Variants in HLCS observed in about 807,000 individuals in gnomAD.
HLCS encodes holocarboxylase synthetase.
In HLCS, 53 loss-of-function variants were observed where a neutral mutation model predicts 75.0. That is an observed-to-expected ratio of 0.71 (90% confidence interval 0.57 to 0.89). The LOEUF is 0.89. Among genes scored for constraint, HLCS ranks in the 40% least tolerant of loss-of-function variants. HLCS has a pLI of 0.00. For missense variants in HLCS, 966 were observed against 1,074.0 expected (o/e 0.90, Z 1.41); for synonymous variants, 431 against 428.6 (o/e 1.01, Z -0.07).
chr21:36,769,781 C>G (rs2090168197), intron 6 of HLCS, among the ~76,000 whole-genome samples: 1 of 152,240 alleles, frequency 6.6e-6, no homozygotes, highest in African/African-American at 2.4e-5. Flanking sequence ...GCCAATGGAA[C>G]TGTCCTGATT....
At chr21:36,900,679 G>A (rs1006226589) in intron 5 of HLCS, among the ~76,000 whole-genome samples, 1 of 152,144 alleles carries the variant, frequency 6.6e-6, no homozygotes, top group Non-Finnish European at 1.5e-5. Flanking sequence ...TAGTTATAAA[G>A]TCACCTAAAT....
intron 4 of HLCS, among the ~76,000 whole-genome samples, chr21:36,933,658 A>AGCATAGC (rs2146510180): frequency 6.6e-6 from 1 of 152,184 alleles, no homozygotes; most frequent in South Asian, 2.1e-4. Context: ...ATAGACAAAC[A>AGCATAGC]GCATAGCGGC....
intron 6 of HLCS, among the ~76,000 whole-genome samples, chr21:36,793,381 T>C (rs909315741): frequency 6.6e-6 from 1 of 150,964 alleles, no homozygotes; most frequent in African/African-American, 2.4e-5. Flanking sequence ...CTTCTACCTC[T>C]GCCTCCTGGG....
At chr21:36,949,715 T>C (rs1162358710) in intron 2 of HLCS, among the ~76,000 whole-genome samples, 2 of 152,140 alleles carry the variant, frequency 1.3e-5, no homozygotes, top group Non-Finnish European at 2.9e-5. Context: ...TGTCCCTAAA[T>C]GGGCATGCTC....
At chr21:36,958,267 AAG>A in intron 2 of HLCS, among the ~76,000 whole-genome samples, 1 of 151,280 alleles carries the variant, frequency 6.6e-6, no homozygotes, top group Non-Finnish European at 1.5e-5. Flanking sequence ...GAAAGAAAGA[AAG>A]AAAGAAAATT....
intron 2 of HLCS, among the ~76,000 whole-genome samples, chr21:36,960,953 G>A (rs1264926165): frequency 6.6e-6 from 1 of 152,186 alleles, no homozygotes. Flanking sequence ...ACATGAGACA[G>A]GGTATTTTCA....
At chr21:36,978,866 C>T (rs1485576902) in intron 1 of HLCS, among the ~76,000 whole-genome samples, 1 of 152,178 alleles carries the variant, frequency 6.6e-6, no homozygotes, top group Non-Finnish European at 1.5e-5. Context: ...CTAAAAGCTC[C>T]ATGAGGGGCC....
At chr21:36,774,320 A>G (rs1442608037) in intron 6 of HLCS, among the ~76,000 whole-genome samples, 1 of 152,314 alleles carries the variant, frequency 6.6e-6, no homozygotes, top group South Asian at 2.1e-4. Flanking sequence ...AGCAGAGTGG[A>G]GACTCAGACA....
rs766035232 is a variant in HLCS at position 36,753,214 on chromosome 21, T to TTAG, written c.*1029_*1031dup. 5.9e-5 allele frequency: 9 copies of TTAG among 152,632 alleles called. No homozygotes were observed. Among genetic ancestry groups the TTAG allele is most frequent in the Non-Finnish European group, 1.0e-4 (7 of 68,046 alleles). 9.5% of individuals were successfully genotyped at this position (152,632 alleles called of 1,614,324 possible). A position where few individuals can be genotyped will look rare whatever the true frequency, so the allele number is the denominator to read the frequency against. On this transcript the variant is annotated 3_prime_UTR_variant, in exon 11 of 11. Transcript: ENST00000674895. This position sits in a 1 kb window ranked among gnomAD's most constrained non-coding sequence, Gnocchi z 4.3. ...CATCCTCCCTCTGAACTGATGGTGTTTAGTATCGATAACATTTTCTTTCTT... is the reference window on the plus strand; with the variant it reads ...CATCCTCCCTCTGAACTGATGGTGTTTAGTAGTATCGATAACATTTTCTTTCTT...
chr21:36,978,882 G>C lies in HLCS; in HGVS notation c.-393+11276C>G, dbSNP rs150712298. ...TAAAAGCTCCATGAGGGGCCAGTGAGTCACATGACAACCGAATTTCTCCTC... is the reference window on the plus strand; with the variant it reads ...TAAAAGCTCCATGAGGGGCCAGTGACTCACATGACAACCGAATTTCTCCTC... On this transcript the variant is annotated intron_variant, in intron 1 of 11. Transcript: ENST00000336648. 3.4e-4 allele frequency among the ~76,000 whole-genome samples: 52 copies of C among 152,306 alleles called. No homozygotes were observed. In the East Asian group the frequency reaches 9.8e-3, roughly 29 times the overall value.
chr21:36,763,500 C>T (rs1182589695), intron 8 of HLCS, among the ~76,000 whole-genome samples: 2 of 152,206 alleles, frequency 1.3e-5, no homozygotes, highest in East Asian at 3.8e-4. Flanking sequence ...TCAGCATTAA[C>T]TACATCTGTG....
At chr21:36,950,516 C>T (rs562382873) in intron 2 of HLCS, among the ~76,000 whole-genome samples, 31 of 151,928 alleles carry the variant, frequency 2.0e-4, no homozygotes, top group African/African-American at 7.2e-4. Context: ...GTCACCCAGC[C>T]TAGAGTTCAA....
intron 6 of HLCS, among the ~76,000 whole-genome samples, chr21:36,838,443 T>C (rs1358752551): frequency 1.3e-5 from 2 of 152,124 alleles, no homozygotes; most frequent in East Asian, 1.9e-4. Flanking sequence ...CAGTGGTTCA[T>C]GCCTGTAATC....
chr21:36,976,260 G>A (rs1158005002), intron 1 of HLCS, among the ~76,000 whole-genome samples: 1 of 152,190 alleles, frequency 6.6e-6, no homozygotes, highest in Non-Finnish European at 1.5e-5. Context: ...CAGGTGGGAT[G>A]TCATCAAAAT....
intron 6 of HLCS, among the ~76,000 whole-genome samples, chr21:36,781,689 T>C (rs2145839293): frequency 6.6e-6 from 1 of 152,324 alleles, no homozygotes; most frequent in African/African-American, 2.4e-5. Context: ...TTTTCAATGA[T>C]ACCTTTAATT....
chr21:36,967,630 G>T (rs2068662203), upstream of HLCS, among the ~76,000 whole-genome samples: 1 of 152,186 alleles, frequency 6.6e-6, no homozygotes, highest in Non-Finnish European at 1.5e-5. Context: ...TCCATCCAGT[G>T]GCTTCCTATT....
chr21:36,755,600 T>C (rs2089535056), intron 10 of HLCS, among the ~76,000 whole-genome samples: 1 of 152,228 alleles, frequency 6.6e-6, no homozygotes, highest in Non-Finnish European at 1.5e-5. Flanking sequence ...TTTGTGGCTA[T>C]TTCCCTCCAT....
intron 1 of HLCS, among the ~76,000 whole-genome samples, chr21:36,962,852 A>G (rs1288122139): frequency 6.6e-6 from 1 of 151,350 alleles, no homozygotes; most frequent in African/African-American, 2.4e-5. Flanking sequence ...CACCAACAGA[A>G]GCTCCTTACT....
intron 10 of HLCS, among the ~76,000 whole-genome samples, chr21:36,754,808 T>A (rs1028979011): frequency 6.6e-6 from 1 of 152,194 alleles, no homozygotes; most frequent in Admixed American, 6.5e-5. Context: ...TGTTTTATCT[T>A]ATAAAACAAA....
Sources: gnomAD v4.1 joint callset for allele counts (sites outside exome capture counted in the v4.1 genomes callset) on GRCh38, gnomAD v4.1.1 for gene constraint, Gnocchi (gnomAD v3.1) non-coding constraint, MANE v1.5 for transcripts, NCBI Gene and HGNC (gene_info 2026-07-23, HGNC 2026-07-21) for gene names.